The following HENMT1 variants were observed in gnomAD, a reference collection of about 807,000 sequenced individuals.
HENMT1 encodes the protein HEN methyltransferase 1.
HENMT1 carries 27 observed loss-of-function variants against 31.1 expected under a neutral mutation model. The ratio of observed to expected loss-of-function variants is 0.87; its 90% confidence interval spans 0.64 to 1.20. The LOEUF (loss-of-function observed/expected upper bound fraction) is 1.20, where lower values mean the gene tolerates loss of function less well. Among genes scored for constraint, HENMT1 ranks in the 50% most tolerant of loss-of-function variants. HENMT1 has a pLI of 0.00. For synonymous variants in HENMT1, 167 were observed against 172.2 expected (o/e 0.97, Z 0.24); for missense variants, 438 against 469.6 (o/e 0.93, Z 0.62).
Position 108,651,169 on chromosome 1 carries a change from C to T in HENMT1, c.439G>A (p.Glu147Lys). Reference protein sequence around the residue: ...LDSGDLARFPEVVFGYLSPSM... With the variant: ...LDSGDLARFPKVVFGYLSPSM... The stretch of plus-strand genomic sequence containing the variant: ...GGAGACAGGTACCCAAATACCACTT[C>T]AGGAAATCTGGCCAGATCACCTGAA... Residue 147 changes from glutamate (E) to lysine (K), a missense_variant, in exon 6 of 8, where the codon GAA becomes AAA. Glu to Lys is a moderately conservative substitution (Grantham distance 56). Transcript: ENST00000651461. The T allele has an allele frequency of 6.2e-7, 1 of 1,614,090 alleles. No individual in the cohort carries two copies. Among genetic ancestry groups the T allele is most frequent in the South Asian group, 1.1e-5 (1 of 91,080 alleles).
Position 108,648,368 on chromosome 1 carries a change from T to C in HENMT1, c.*198A>G, listed in dbSNP as rs1449318353. ...GTCCAAAATCAAAGGAAAGCACCCG[T>C]TTTAAACCCTCATATCTTTCTCAGG... On this transcript the variant is annotated 3_prime_UTR_variant, in exon 8 of 8. Coordinates refer to ENST00000651461, the MANE Select transcript of HENMT1 (RefSeq NM_001102592.2). 3.6e-6 allele frequency: 2 copies of C among 560,840 alleles called. No homozygotes were observed. Among genetic ancestry groups the C allele is most frequent in the Non-Finnish European group, 6.2e-6 (2 of 320,162 alleles). 34.7% of individuals were successfully genotyped at this position (560,840 alleles called of 1,614,324 possible).
At chr1:108,655,726 A>G in intron 3 of HENMT1, 28 bp from the exon 4 acceptor site, 4 of 1,489,540 alleles carry the variant, frequency 2.7e-6, no homozygotes, top group Non-Finnish European at 3.7e-6. Context: ...TGTTATTTCA[A>G]AGACATTTAT....
Position 108,654,854 on chromosome 1 carries a change from C to A in HENMT1, c.264-4G>T. 2 of 1,613,786 alleles carry A rather than the reference C, an allele frequency of 1.2e-6. No homozygotes were observed. Among genetic ancestry groups the A allele is most frequent in the Non-Finnish European group, 1.7e-6 (2 of 1,179,818 alleles). Reference sequence around the variant, plus strand: ...CAGGAAAGGAGCTAACGAATCCCTGCAAAATAATTATTGAAGAAACTTTCT... The same window carrying A: ...CAGGAAAGGAGCTAACGAATCCCTGAAAAATAATTATTGAAGAAACTTTCT... On this transcript the variant is annotated splice_region_variant and splice_polypyrimidine_tract_variant and intron_variant, in intron 4 of 7. Coordinates refer to ENST00000651461, the MANE Select transcript of HENMT1 (RefSeq NM_001102592.2).
Position 108,655,702 on chromosome 1 carries a change from T to C in HENMT1, c.151-4A>G, listed in dbSNP as rs1557740824. 2.5e-6 allele frequency: 4 copies of C among 1,574,232 alleles called. No individual in the cohort carries two copies. The highest frequency in any genetic ancestry group is 2.3e-5 in the East Asian group (1 of 44,334). On this transcript the variant is annotated splice_polypyrimidine_tract_variant and splice_region_variant and intron_variant, in intron 3 of 7. Transcript: ENST00000651461. ...CACCACATCCCAGGTCTGCAACCTGTAGATGAGACAGAATGTTATTTCAAA... is the reference window on the plus strand; with the variant it reads ...CACCACATCCCAGGTCTGCAACCTGCAGATGAGACAGAATGTTATTTCAAA...
At chr1:108,651,744 G>A (rs900393022) in intron 5 of HENMT1, among the ~76,000 whole-genome samples, 1 of 150,678 alleles carries the variant, frequency 6.6e-6, no homozygotes, top group Non-Finnish European at 1.5e-5. Flanking sequence ...GAAGAGAAGA[G>A]AGGGGAAGGG....
intron 5 of HENMT1, 76 bp downstream of exon 5, chr1:108,654,640 T>C (rs1312452247): frequency 2.1e-6 from 3 of 1,429,960 alleles, no homozygotes; most frequent in African/African-American, 2.8e-5. Flanking sequence ...CTATTATATT[T>C]AGGACACTAA....
Position 108,654,867 on chromosome 1 carries a change from G to A in HENMT1, c.264-17C>T, listed in dbSNP as rs567193458. 6 of 1,613,216 alleles carry A rather than the reference G, an allele frequency of 3.7e-6. No homozygotes were observed. Among genetic ancestry groups the A allele is most frequent in the Admixed American group, 1.7e-5 (1 of 59,948 alleles). ...AACGAATCCCTGCAAAATAATTATT[G>A]AAGAAACTTTCTGAACATTATCTAT... On this transcript the variant is annotated splice_polypyrimidine_tract_variant and intron_variant, in intron 4 of 7. Transcript: ENST00000651461.
At chr1:108,652,081 C>T (rs1658075774) in intron 5 of HENMT1, among the ~76,000 whole-genome samples, 1 of 152,216 alleles carries the variant, frequency 6.6e-6, no homozygotes, top group Non-Finnish European at 1.5e-5. Flanking sequence ...GGCAGAAAGG[C>T]TGCACAGACC....
intron 5 of HENMT1, among the ~76,000 whole-genome samples, chr1:108,653,965 T>C (rs1658138443): frequency 1.3e-5 from 2 of 152,330 alleles, no homozygotes; most frequent in South Asian, 4.1e-4. Context: ...AATCTTTGCC[T>C]AGACCAATGT....
intron 1 of HENMT1, among the ~76,000 whole-genome samples, chr1:108,660,411 A>G (rs1449051759): frequency 1.3e-5 from 2 of 152,248 alleles, no homozygotes; most frequent in Admixed American, 1.3e-4. Flanking sequence ...TTTCATTGCT[A>G]AGACCCTCAA....
intron 2 of HENMT1, 63 bp downstream of exon 2, chr1:108,659,801 T>G (rs1658387495): frequency 3.7e-6 from 4 of 1,066,842 alleles, no homozygotes; most frequent in East Asian, 2.5e-5. Context: ...TGCAATTATC[T>G]CACAATACAT....
At position 108,654,783 on chromosome 1, in the gene HENMT1, A is replaced by G; in HGVS notation, c.331T>C (p.Tyr111His). The change falls in exon 5 of 8, where the codon TAT becomes CAT. Residue 111 changes from tyrosine to histidine, a missense_variant. Tyr to His is a moderately conservative substitution (Grantham distance 83). Coordinates refer to ENST00000651461, the MANE Select transcript of HENMT1 (RefSeq NM_001102592.2). ...PRDLNLTITL[Y>H]HGSVVERDSR... ...TCTCTCTCCACAACGGAGCCATGAT[A>G]CAATGTGATGGTCAAATTCAGATCC... 6.2e-7 allele frequency: 1 copy of G among 1,614,130 alleles called. No homozygotes were observed. The highest frequency in any genetic ancestry group is 8.5e-7 in the Non-Finnish European group (1 of 1,179,958).
intron 7 of HENMT1, chr1:108,649,277 G>T: frequency 1.9e-6 from 1 of 537,262 alleles, no homozygotes; most frequent in South Asian, 1.5e-5. Flanking sequence ...AGGGGCAAGG[G>T]CAAAAAAAAA....
chr1:108,651,992 A>C (rs1417726376), intron 5 of HENMT1, among the ~76,000 whole-genome samples: 1 of 152,214 alleles, frequency 6.6e-6, no homozygotes. Flanking sequence ...TGAATCTGAT[A>C]ATGAGGAGAC....
chr1:108,661,077 G>C lies in HENMT1; in HGVS notation c.-193C>G, dbSNP rs1658455735. On this transcript the variant is annotated 5_prime_UTR_variant, in exon 1 of 8. Coordinates refer to ENST00000651461, the MANE Select transcript of HENMT1 (RefSeq NM_001102592.2). ...CGGAGCCGCCAGCGTCCTCAACTCA[G>C]CGCCGCCCTGACGCCCGCGCACGCA... The C allele has an allele frequency of 1.2e-6, 1 of 859,396 alleles. No homozygotes were observed. Among genetic ancestry groups the C allele is most frequent in the Non-Finnish European group, 1.4e-6 (1 of 715,278 alleles). 53.2% of individuals were successfully genotyped at this position (859,396 alleles called of 1,614,324 possible).
At chr1:108,658,641 C>G (rs1389679597) in intron 2 of HENMT1, among the ~76,000 whole-genome samples, 1 of 152,188 alleles carries the variant, frequency 6.6e-6, no homozygotes, top group African/African-American at 2.4e-5. Context: ...CAAACCCTGG[C>G]CCCAATCCTA....
At chr1:108,655,891 A>ACT (rs1440797508) in intron 3 of HENMT1, among the ~76,000 whole-genome samples, 193 bp from the exon 4 acceptor site, 4 of 147,194 alleles carry the variant, frequency 2.7e-5, no homozygotes, top group Non-Finnish European at 6.0e-5. Flanking sequence ...ACACACACAC[A>ACT]CTAACCTGAA....
rs1337689247 is a variant in HENMT1, at chr1:108,658,010, TATATGTACACACACTTACACACAC to T, written c.22-455_22-432del. Among the ~76,000 whole-genome samples, 436 of 148,604 alleles carry T rather than the reference TATATGTACACACACTTACACACAC, an allele frequency of 2.9e-3. 1 individual carries two copies. The highest frequency in any genetic ancestry group is 0.01 in the African/African-American group (415 of 40,258). ...ATATATATACACACACACACACACA[TATATGTACACACACTTACACACAC>T]ACACATATATATACACACACACACA... On this transcript the variant is annotated intron_variant, in intron 2 of 7. Transcript: ENST00000651461.
chr1:108,658,640 GC>G (rs1398769775), intron 2 of HENMT1, among the ~76,000 whole-genome samples: 1 of 152,028 alleles, frequency 6.6e-6, no homozygotes, highest in East Asian at 1.9e-4. Context: ...TCAAACCCTG[GC>G]CCCAATCCTA....
Sources: allele counts gnomAD v4.1 joint callset (sites outside exome capture counted in the v4.1 genomes callset), GRCh38; gene constraint gnomAD v4.1.1; transcripts MANE v1.5; gene names NCBI Gene and HGNC (gene_info 2026-07-23, HGNC 2026-07-21).